The following THADA variants were observed in gnomAD, a reference collection of about 807,000 sequenced individuals.
THADA encodes the protein THADA armadillo repeat containing, also known as tRNA (32-2'-O)-methyltransferase regulator THADA.
Under a neutral mutation model 219.8 loss-of-function variants are expected in THADA, and 213 were observed. The observed-to-expected ratio is 0.97, with a 90% CI of 0.87 to 1.09. The LOEUF is 1.09. THADA is among the 50% of genes least tolerant of loss of function. The pLI is 0.00. For synonymous variants in THADA, 1,018 were observed against 828.9 expected, an observed-to-expected ratio of 1.23 and a Z score of -3.92; for missense variants, 2,956 against 2,311.3, an observed-to-expected ratio of 1.28 and a Z score of -5.72.
At chr2:43,573,063 C>A (rs1699478715) in intron 11 of THADA, 71 bp from the exon 12 acceptor site, 12 of 1,220,252 alleles carry the variant, frequency 9.8e-6, no homozygotes, top group Non-Finnish European at 1.2e-5. Context: ...TGCTAATTTT[C>A]ATGTTTCCAA....
chr2:43,233,663 A>G (rs1304575296), intron 36 of THADA, among the ~76,000 whole-genome samples: 1 of 152,176 alleles, frequency 6.6e-6, no homozygotes, highest in Non-Finnish European at 1.5e-5. Flanking sequence ...AGAAGGGTGC[A>G]GAAAGAGGAA....
intron 36 of THADA, among the ~76,000 whole-genome samples, chr2:43,257,244 G>A (rs1348347359): frequency 6.6e-6 from 1 of 152,238 alleles, no homozygotes; most frequent in Non-Finnish European, 1.5e-5. Flanking sequence ...ACCTGTTTTG[G>A]GAGGGGACAG....
chr2:43,521,423 G>A (rs551659547), intron 22 of THADA, among the ~76,000 whole-genome samples: 17 of 152,266 alleles, frequency 1.1e-4, no homozygotes, highest in African/African-American at 3.9e-4. Context: ...TGGCATATTG[G>A]TTTGCTCTTG....
chr2:43,306,561 C>T (rs1015159388), intron 31 of THADA, among the ~76,000 whole-genome samples: 1 of 152,094 alleles, frequency 6.6e-6, no homozygotes, highest in Admixed American at 6.5e-5. Flanking sequence ...CATCTCAGTC[C>T]CTTGCTAGTG....
intron 30 of THADA, among the ~76,000 whole-genome samples, chr2:43,326,125 A>C (rs1370543015): frequency 6.6e-6 from 1 of 150,516 alleles, no homozygotes; most frequent in Non-Finnish European, 1.5e-5. Context: ...CATATGCATT[A>C]GGTCATATGT....
chr2:43,331,916 A>AATAC (rs1665815651), intron 30 of THADA, among the ~76,000 whole-genome samples: 1 of 91,704 alleles, frequency 1.1e-5, no homozygotes, highest in African/African-American at 5.4e-5. Context: ...ATATATATCT[A>AATAC]ATACACACAC....
chr2:43,264,318 T>C (rs1671285402), intron 36 of THADA, among the ~76,000 whole-genome samples: 2 of 150,976 alleles, frequency 1.3e-5, no homozygotes, highest in Non-Finnish European at 2.9e-5. Flanking sequence ...GGTGTTTTGC[T>C]CTTGTTGCCC....
At chr2:43,428,002 T>C (rs554900317) in intron 28 of THADA, 98 bp downstream of exon 28, 2 of 490,806 alleles carry the variant, frequency 4.1e-6, no homozygotes, top group African/African-American at 2.1e-5. Flanking sequence ...AAAATATATA[T>C]GATATATATA....
At chr2:43,494,136 C>T (rs1178982086) in intron 25 of THADA, among the ~76,000 whole-genome samples, 1 of 152,190 alleles carries the variant, frequency 6.6e-6, no homozygotes, top group African/African-American at 2.4e-5. Context: ...GTTGTGCCAA[C>T]ACCTGCCCAA....
intron 26 of THADA, among the ~76,000 whole-genome samples, chr2:43,437,384 T>C (rs908939342): frequency 6.6e-6 from 1 of 152,200 alleles, no homozygotes; most frequent in Non-Finnish European, 1.5e-5. Flanking sequence ...GTTTCTACCA[T>C]AGACCCTGTT....
chr2:43,594,468 C>T (rs866603804), intron 1 of THADA, among the ~76,000 whole-genome samples: 3 of 152,042 alleles, frequency 2.0e-5, no homozygotes, highest in African/African-American at 7.2e-5. Context: ...CCTATAACCC[C>T]AGCTACTCCG....
chr2:43,293,272 A>T lies in THADA; in HGVS notation c.4439-59T>A, dbSNP rs1347112351. ...AATCACTTTAAATTTCCACAAAAGG[A>T]CATGAAAGAATGAAGACTGAATCCA... On this transcript the variant is annotated intron_variant, in intron 31 of 37. Coordinates refer to ENST00000405975, the MANE Select transcript of THADA (RefSeq NM_022065.5). 2.6e-6 allele frequency: 4 copies of T among 1,533,490 alleles called. 1 individual carries two copies. Among genetic ancestry groups the T allele is most frequent in the Non-Finnish European group, 3.5e-6 (4 of 1,144,744 alleles). The allele number at this position is 1,533,490 out of a possible 1,614,324, so 95.0% of individuals were successfully genotyped here. A position where few individuals can be genotyped will look rare whatever the true frequency, so the allele number is the denominator to read the frequency against.
chr2:43,267,357 A>T (rs1003093108), intron 36 of THADA, among the ~76,000 whole-genome samples: 2 of 152,232 alleles, frequency 1.3e-5, no homozygotes, highest in Non-Finnish European at 2.9e-5. Context: ...CTGTGTCCCC[A>T]GATGTTAGTG....
chr2:43,534,523 T>G (rs974584744), intron 21 of THADA, among the ~76,000 whole-genome samples: 1 of 151,936 alleles, frequency 6.6e-6, no homozygotes. Flanking sequence ...CTGCTCTAAT[T>G]TTTACTTCGA....
At chr2:43,523,167 C>T (rs1692709069) in intron 22 of THADA, among the ~76,000 whole-genome samples, 1 of 151,956 alleles carries the variant, frequency 6.6e-6, no homozygotes, top group Admixed American at 6.6e-5. Context: ...GAGTTCGAGA[C>T]CAGCCTAAGC....
intron 36 of THADA, among the ~76,000 whole-genome samples, chr2:43,272,221 G>A (rs1410509277): frequency 2.6e-5 from 4 of 152,178 alleles, no homozygotes; most frequent in South Asian, 2.1e-4. Context: ...GGGGAGGAGC[G>A]GCAGGGGCTG....
At chr2:43,468,190 T>C (rs562147063) in intron 26 of THADA, among the ~76,000 whole-genome samples, 17 of 152,360 alleles carry the variant, frequency 1.1e-4, no homozygotes, top group Non-Finnish European at 2.2e-4. Flanking sequence ...CATGAATCAT[T>C]GTTTCAGCTT....
intron 22 of THADA, among the ~76,000 whole-genome samples, chr2:43,523,177 C>A (rs1692710047): frequency 6.6e-6 from 1 of 151,916 alleles, no homozygotes; most frequent in Non-Finnish European, 1.5e-5. Flanking sequence ...CCAGCCTAAG[C>A]AACATGGCGA....
intron 28 of THADA, among the ~76,000 whole-genome samples, chr2:43,407,963 G>A (rs536858962): frequency 6.6e-6 from 1 of 152,232 alleles, no homozygotes; most frequent in East Asian, 1.9e-4. Flanking sequence ...ACCTTTGTAG[G>A]CAATTTATCC....
Sources: gnomAD v4.1 joint callset for allele counts (sites outside exome capture counted in the v4.1 genomes callset) on GRCh38, gnomAD v4.1.1 for gene constraint, MANE v1.5 for transcripts, NCBI Gene and HGNC (gene_info 2026-07-23, HGNC 2026-07-21) for gene names.